CD47: variants seen among roughly 807,000 people sequenced by gnomAD.
CD47 encodes CD47 molecule, also known as leukocyte surface antigen CD47.
Under a neutral mutation model 44.6 loss-of-function variants are expected in CD47, and 11 were observed. The observed-to-expected ratio is 0.25, with a 90% CI of 0.16 to 0.41. The LOEUF is 0.41. CD47 is among the 10% of genes least tolerant of loss of function. CD47 has a pLI of 1.00. For missense variants in CD47, 306 were observed against 386.7 expected (o/e 0.79, Z 1.75); for synonymous variants, 140 against 136.3 (o/e 1.03, Z -0.19).
chr3:108,083,614 T>C (rs1329595413), intron 1 of CD47, among the ~76,000 whole-genome samples: 1 of 152,072 alleles, frequency 6.6e-6, no homozygotes, highest in Non-Finnish European at 1.5e-5. Context: ...GTAATTGGTC[T>C]TACAGATTTC....
At chr3:108,064,983 A>G (rs545337273) in intron 3 of CD47, among the ~76,000 whole-genome samples, 36 of 152,346 alleles carry the variant, frequency 2.4e-4, no homozygotes, top group African/African-American at 8.2e-4. Context: ...TATCTAATAC[A>G]CTTATTTAAC....
At chr3:108,076,785 C>G (rs978002699) in intron 2 of CD47, among the ~76,000 whole-genome samples, 6 of 152,126 alleles carry the variant, frequency 3.9e-5, no homozygotes, top group Non-Finnish European at 8.8e-5. Context: ...TCTGTGATGC[C>G]TAGTACGGTG....
intron 2 of CD47, among the ~76,000 whole-genome samples, chr3:108,079,251 T>C (rs1444501996): frequency 6.6e-6 from 1 of 151,878 alleles, no homozygotes. Context: ...AGAACTCAGC[T>C]AGCACAGCAG....
At chr3:108,070,494 T>C (rs1354065936) in intron 3 of CD47, among the ~76,000 whole-genome samples, 1 of 152,236 alleles carries the variant, frequency 6.6e-6, no homozygotes, top group Non-Finnish European at 1.5e-5. Context: ...CTAAATCTAA[T>C]GCAGCATCAA....
At position 108,043,295 on chromosome 3, in the gene CD47, A is replaced by C. The variant is rs2078658265; in HGVS notation, c.*3993T>G. The C allele has an allele frequency of 6.6e-6, 1 of 152,588 alleles. No homozygotes were observed. The highest frequency in any genetic ancestry group is 6.5e-5 in the Admixed American group (1 of 15,282). 9.5% of individuals were successfully genotyped at this position (152,588 alleles called of 1,614,324 possible). On this transcript the variant is annotated 3_prime_UTR_variant, in exon 11 of 11. Coordinates refer to ENST00000361309, the MANE Select transcript of CD47 (RefSeq NM_001777.4). ...GTAGCAGCAATAGAAATAGCCCAACAAAATAGCTTAAAATGTTTTATTAAG... is the reference window on the plus strand; with the variant it reads ...GTAGCAGCAATAGAAATAGCCCAACCAAATAGCTTAAAATGTTTTATTAAG...
At chr3:108,069,736 T>A (rs1399714137) in intron 3 of CD47, among the ~76,000 whole-genome samples, 1 of 152,106 alleles carries the variant, frequency 6.6e-6, no homozygotes, top group Non-Finnish European at 1.5e-5. Context: ...AATCGCACTA[T>A]GTGAAATAAT....
intron 3 of CD47, among the ~76,000 whole-genome samples, chr3:108,067,275 C>A (rs1194807725): frequency 6.6e-6 from 1 of 152,156 alleles, no homozygotes; most frequent in Non-Finnish European, 1.5e-5. Context: ...AATAGTTTTT[C>A]CCATTCATCA....
chr3:108,057,765 C>T lies in CD47; in HGVS notation c.785-196G>A, dbSNP rs140113070. On this transcript the variant is annotated intron_variant, in intron 6 of 10. Coordinates refer to ENST00000361309, the MANE Select transcript of CD47 (RefSeq NM_001777.4). ...AAGCCCTCCTTTGCATAACACATACCTTATCATATCAAGAAATGGGAACTG... is the reference window on the plus strand; with the variant it reads ...AAGCCCTCCTTTGCATAACACATACTTTATCATATCAAGAAATGGGAACTG... Among the ~76,000 whole-genome samples the T allele has an allele frequency of 5.3e-5, 8 of 152,108 alleles. No homozygotes were observed. The East Asian group carries it at 1.5e-3, about 29-fold the overall frequency.
chr3:108,047,781 A>G (rs954698064), intron 10 of CD47, among the ~76,000 whole-genome samples: 3 of 152,266 alleles, frequency 2.0e-5, no homozygotes, highest in African/African-American at 7.2e-5. Context: ...AGTACCCACC[A>G]GCCAGACATT....
intron 2 of CD47, among the ~76,000 whole-genome samples, chr3:108,075,467 C>T (rs991055912): frequency 1.3e-5 from 2 of 152,196 alleles, no homozygotes; most frequent in East Asian, 1.9e-4. Flanking sequence ...CACACGCATA[C>T]ACCACAGTAA....
chr3:108,060,936 G>T, intron 3 of CD47, 84 bp from the exon 4 acceptor site: 1 of 829,380 alleles, frequency 1.2e-6, no homozygotes, highest in South Asian at 1.5e-5. Flanking sequence ...GAGACAAACT[G>T]ACAGAAGTAC....
chr3:108,048,000 A>C (rs1489886824), intron 10 of CD47, among the ~76,000 whole-genome samples: 1 of 152,190 alleles, frequency 6.6e-6, no homozygotes, highest in Non-Finnish European at 1.5e-5. Flanking sequence ...AGAAAAGTTT[A>C]GTTTCTTCAT....
At chr3:108,063,342 G>T (rs926266853) in intron 3 of CD47, among the ~76,000 whole-genome samples, 12 of 152,142 alleles carry the variant, frequency 7.9e-5, no homozygotes, top group African/African-American at 2.2e-4. Flanking sequence ...TGTCTCTGTG[G>T]GGTCTACTAA....
rs961271105 is a variant in CD47, at chr3:108,043,400, T to C, written c.*3888A>G. Reference sequence around the variant, plus strand: ...AAAGTACCTTGGCAAAGATTGCAGATATTCAAAGCTTTAAACAGTGATAAA... The same window carrying C: ...AAAGTACCTTGGCAAAGATTGCAGACATTCAAAGCTTTAAACAGTGATAAA... On this transcript the variant is annotated 3_prime_UTR_variant, in exon 11 of 11. Coordinates refer to ENST00000361309, the MANE Select transcript of CD47 (RefSeq NM_001777.4). 2 of 152,048 alleles carry C rather than the reference T, an allele frequency of 1.3e-5. No homozygotes were observed. Among genetic ancestry groups the C allele is most frequent in the African/African-American group, 4.8e-5 (2 of 41,292 alleles). 9.4% of individuals were successfully genotyped at this position (152,048 alleles called of 1,614,324 possible).
intron 2 of CD47, among the ~76,000 whole-genome samples, chr3:108,079,055 C>T (rs1208610630): frequency 6.6e-6 from 1 of 152,052 alleles, no homozygotes; most frequent in East Asian, 1.9e-4. Context: ...TCAAACCAAA[C>T]ACCCCATTCC....
chr3:108,049,035 A>G (rs888283640), intron 10 of CD47, among the ~76,000 whole-genome samples: 11 of 151,716 alleles, frequency 7.3e-5, no homozygotes, highest in Non-Finnish European at 1.5e-5. Context: ...TATAAAGATT[A>G]GAAGTTATTA....
intron 2 of CD47, among the ~76,000 whole-genome samples, chr3:108,075,381 A>G (rs1355515544): frequency 6.6e-6 from 1 of 152,140 alleles, no homozygotes; most frequent in Non-Finnish European, 1.5e-5. Flanking sequence ...TAAAAAAGTG[A>G]AGACACCATT....
chr3:108,065,323 A>G (rs1412810525), intron 3 of CD47, among the ~76,000 whole-genome samples: 1 of 152,190 alleles, frequency 6.6e-6, no homozygotes, highest in Non-Finnish European at 1.5e-5. Context: ...TTTTGAGTAT[A>G]TGGAGAAGGT....
At chr3:108,079,584 A>AAAAAC (rs1455583708) in intron 2 of CD47, among the ~76,000 whole-genome samples, 3 of 149,120 alleles carry the variant, frequency 2.0e-5, no homozygotes, top group Non-Finnish European at 4.5e-5. Context: ...AAAAAAAAAA[A>AAAAAC]AAAAAAAAAA....
Sources: gnomAD v4.1 joint callset for allele counts (sites outside exome capture counted in the v4.1 genomes callset) on GRCh38, gnomAD v4.1.1 for gene constraint, MANE v1.5 for transcripts, NCBI Gene and HGNC (gene_info 2026-07-23, HGNC 2026-07-21) for gene names.